Variants in DNAI7 observed in about 807,000 individuals in gnomAD.
DNAI7 encodes the protein cancer susceptibility 1.
A neutral mutation model predicts 86.6 loss-of-function variants in DNAI7; 78 were observed. That is an observed-to-expected ratio of 0.90 (90% CI 0.75 to 1.09). The LOEUF (loss-of-function observed/expected upper bound fraction) is 1.09. Among genes scored for constraint, DNAI7 ranks in the 50% least tolerant of loss-of-function variants. The pLI, the probability that DNAI7 is intolerant of heterozygous loss-of-function variation, is 0.00. For missense variants in DNAI7, 753 were observed against 810.2 expected (o/e 0.93, Z 0.86); for synonymous variants, 274 against 273.0 (o/e 1.00, Z -0.04).
intron 3 of DNAI7, chr12:25,158,887 T>G (rs1157230116): frequency 1.2e-5 from 4 of 330,690 alleles, no homozygotes; most frequent in Non-Finnish European, 2.3e-5. Context: ...AAAACCACAA[T>G]GAGATACCAT....
intron 1 of DNAI7, among the ~76,000 whole-genome samples, chr12:25,193,964 G>C (rs1169498559): frequency 1.3e-5 from 2 of 152,124 alleles, no homozygotes; most frequent in Non-Finnish European, 2.9e-5. Flanking sequence ...TGGAATTACA[G>C]GTGCGCGCCA....
intron 1 of DNAI7, among the ~76,000 whole-genome samples, chr12:25,193,809 C>T (rs537381742): frequency 8.2e-6 from 1 of 122,636 alleles, no homozygotes; most frequent in Non-Finnish European, 1.7e-5. Flanking sequence ...ATGCTCTCCA[C>T]TCCCTATTTC....
At chr12:25,161,041 C>A in intron 3 of DNAI7, 72 bp downstream of exon 3, 1 of 1,086,598 alleles carries the variant, frequency 9.2e-7, no homozygotes, top group Admixed American at 2.0e-5. Context: ...AAAATATTGA[C>A]TTTACTACAA....
At chr12:25,159,988 A>C (rs2141016797) in intron 3 of DNAI7, among the ~76,000 whole-genome samples, 1 of 152,290 alleles carries the variant, frequency 6.6e-6, no homozygotes, top group Non-Finnish European at 1.5e-5. Context: ...AAATATTATA[A>C]AACTGTAAAA....
intron 2 of DNAI7, among the ~76,000 whole-genome samples, chr12:25,181,636 T>C (rs1001285163): frequency 5.9e-5 from 9 of 151,968 alleles, no homozygotes; most frequent in Admixed American, 1.3e-4. Flanking sequence ...TTTCAAACTA[T>C]GCATCTGACA....
chr12:25,123,375 C>A, intron 9 of DNAI7, 89 bp from the exon 10 acceptor site: 1 of 749,898 alleles, frequency 1.3e-6, no homozygotes, highest in Non-Finnish European at 2.0e-6. Flanking sequence ...ACTTCAGATG[C>A]CTGCTACCTT....
chr12:25,147,797 T>C (rs1041311153), intron 7 of DNAI7, among the ~76,000 whole-genome samples: 6 of 152,246 alleles, frequency 3.9e-5, no homozygotes, highest in Non-Finnish European at 7.3e-5. Flanking sequence ...CTTATTATAC[T>C]GTAGACTATT....
At position 25,134,638 on chromosome 12, in the gene DNAI7, T is replaced by C. The variant is rs975941231; in HGVS notation, c.1002+9727A>G. ...TCCCAAAGTGCTGGGATTATAGTCATGAGCCACTGCACCTGGCCTCCTTGG... is the reference window on the plus strand; with the variant it reads ...TCCCAAAGTGCTGGGATTATAGTCACGAGCCACTGCACCTGGCCTCCTTGG... On this transcript the variant is annotated intron_variant, in intron 9 of 15. Transcript: ENST00000395987. Among the ~76,000 whole-genome samples the C allele has an allele frequency of 3.9e-5, 6 of 152,302 alleles. No homozygotes were observed. The South Asian group carries it at 1.2e-3, about 32-fold the overall frequency.
chr12:25,158,188 C>A (rs1184344567), intron 4 of DNAI7, among the ~76,000 whole-genome samples: 2 of 151,844 alleles, frequency 1.3e-5, no homozygotes, highest in Non-Finnish European at 2.9e-5. Context: ...AAGATCACAC[C>A]ACTGCACTCC....
intron 2 of DNAI7, among the ~76,000 whole-genome samples, chr12:25,175,022 G>A (rs567464799): frequency 1.3e-5 from 2 of 151,812 alleles, no homozygotes; most frequent in Admixed American, 6.6e-5. Context: ...TATACTGCTC[G>A]GGTGATGGGT....
chr12:25,154,360 T>C lies in DNAI7; in HGVS notation c.397A>G (p.Thr133Ala). 1 of 1,611,176 alleles carries C rather than the reference T, an allele frequency of 6.2e-7. No individual in the cohort carries two copies. Among genetic ancestry groups the C allele is most frequent in the African/African-American group, 1.3e-5 (1 of 74,948 alleles). Residue 133 changes from threonine to alanine, a missense_variant, in exon 6 of 16, where the codon ACT (threonine) becomes GCT (alanine). Coordinates refer to ENST00000395987, the MANE Select transcript of DNAI7 (RefSeq NM_018272.5). ...ISLWKEKTNETFEEVIEKSKV... is the reference protein window; with the variant it reads ...ISLWKEKTNEAFEEVIEKSKV... The stretch of plus-strand genomic sequence containing the variant: ...CTCTTCTCAATCACTTCCTCAAAAG[T>C]CTCATTTGTTTTCTCTTTCCACAAA...
chr12:25,143,185 AT>A (rs1186335625), intron 9 of DNAI7, among the ~76,000 whole-genome samples: 1 of 151,110 alleles, frequency 6.6e-6, no homozygotes, highest in Non-Finnish European at 1.5e-5. Context: ...TCTAAATACA[AT>A]TTTTTTATAC....
At chr12:25,164,978 G>A (rs1326915212) in intron 2 of DNAI7, among the ~76,000 whole-genome samples, 1 of 152,160 alleles carries the variant, frequency 6.6e-6, no homozygotes, top group Non-Finnish European at 1.5e-5. Context: ...TGGAGCTAAA[G>A]GCATAGTCAA....
At chr12:25,138,731 T>C (rs769431925) in intron 9 of DNAI7, among the ~76,000 whole-genome samples, 9 of 152,102 alleles carry the variant, frequency 5.9e-5, no homozygotes, top group Non-Finnish European at 8.8e-5. Context: ...ATTCATGGTA[T>C]TAAATACCTA....
intron 14 of DNAI7, 84 bp from the exon 15 acceptor site, chr12:25,110,324 C>G (rs1403275940): frequency 1.5e-5 from 11 of 755,744 alleles, no homozygotes; most frequent in Middle Eastern, 2.3e-4. Flanking sequence ...AGTCTATTTT[C>G]AACACAGACG....
intron 9 of DNAI7, among the ~76,000 whole-genome samples, chr12:25,124,032 T>TTGTGTGTGTGTGTGTGTGTGTGTGTG (rs57454187): frequency 4.4e-4 from 64 of 144,674 alleles, no homozygotes; most frequent in Non-Finnish European, 8.2e-4. Context: ...AGTATAAAAA[T>TTGTGTGTGTGTGTGTGTGTGTGTGTG]TGTGTGTGTG....
intron 9 of DNAI7, among the ~76,000 whole-genome samples, chr12:25,130,367 C>T (rs1942739765): frequency 2.0e-5 from 3 of 151,546 alleles, no homozygotes; most frequent in Admixed American, 1.3e-4. Flanking sequence ...GAAACCCCGT[C>T]TGTACTAAAA....
intron 8 of DNAI7, among the ~76,000 whole-genome samples, chr12:25,146,547 C>T (rs1305181234): frequency 6.7e-6 from 1 of 149,642 alleles, no homozygotes; most frequent in African/African-American, 2.4e-5. Context: ...CTGTAGTGAG[C>T]CGAGATCACA....
chr12:25,111,960 G>T, intron 13 of DNAI7, 21 bp from the exon 14 acceptor site: 1 of 1,518,690 alleles, frequency 6.6e-7, no homozygotes, highest in South Asian at 1.2e-5. Flanking sequence ...TAAGAAAAAA[G>T]AAGCTTTTAT....
Sources: allele counts gnomAD v4.1 joint callset (sites outside exome capture counted in the v4.1 genomes callset), GRCh38; gene constraint gnomAD v4.1.1; transcripts MANE v1.5; gene names NCBI Gene and HGNC (gene_info 2026-07-23, HGNC 2026-07-21).